The following SLC4A8 variants were observed in gnomAD, a reference collection of about 807,000 sequenced individuals.
SLC4A8 encodes solute carrier family 4 member 8.
In SLC4A8, 40 loss-of-function variants were observed where a neutral mutation model predicts 125.0. That is an observed-to-expected ratio of 0.32 (90% CI 0.25 to 0.42). The LOEUF is 0.42. Ranked by LOEUF, SLC4A8 falls within the 10% of genes least tolerant of loss-of-function variation. SLC4A8 has a pLI of 1.00. For missense variants in SLC4A8, 863 were observed against 1,355.1 expected, an observed-to-expected ratio of 0.64 and a Z score of 5.70; for synonymous variants, 456 against 476.0, an observed-to-expected ratio of 0.96 and a Z score of 0.55.
chr12:51,460,706 A>C (rs2138238914), intron 8 of SLC4A8, among the ~76,000 whole-genome samples: 1 of 152,330 alleles, frequency 6.6e-6, no homozygotes, highest in Non-Finnish European at 1.5e-5. Flanking sequence ...ATTTGTTCAA[A>C]AGGCTATTCA....
chr12:51,480,656 A>G (rs986458409), intron 16 of SLC4A8: 13 of 984,212 alleles, frequency 1.3e-5, no homozygotes, highest in East Asian at 1.1e-4. Flanking sequence ...TGCCCGTGTA[A>G]CTAATCAGAA....
At chr12:51,394,177 C>A (rs531352420) in intron 1 of SLC4A8, among the ~76,000 whole-genome samples, 1 of 152,214 alleles carries the variant, frequency 6.6e-6, no homozygotes, top group African/African-American at 2.4e-5. Flanking sequence ...GCCATTACCC[C>A]CAGCCTGGTG....
At chr12:51,464,742 C>T (rs1401673558) in intron 11 of SLC4A8, among the ~76,000 whole-genome samples, 1 of 152,182 alleles carries the variant, frequency 6.6e-6, no homozygotes, top group Non-Finnish European at 1.5e-5. Context: ...CTTGAGGTTG[C>T]TTTCCTTACT....
intron 1 of SLC4A8, chr12:51,391,914 G>A (rs894537860): frequency 1.3e-5 from 2 of 152,462 alleles, no homozygotes; most frequent in Non-Finnish European, 2.9e-5. Flanking sequence ...AAGAGGACAG[G>A]CATTAGCAGA....
chr12:51,489,235 T>C (rs1021545910), intron 18 of SLC4A8, among the ~76,000 whole-genome samples: 10 of 152,176 alleles, frequency 6.6e-5, no homozygotes, highest in African/African-American at 2.2e-4. Flanking sequence ...TCTGTTACTA[T>C]AGTTTCTAGG....
chr12:51,493,406 T>TTG (rs1001247882), intron 19 of SLC4A8, among the ~76,000 whole-genome samples: 24 of 149,004 alleles, frequency 1.6e-4, no homozygotes, highest in South Asian at 2.1e-4. Context: ...GTGTGTGTGT[T>TTG]TGTGTGTGTG....
intron 21 of SLC4A8, 126 bp downstream of exon 21, chr12:51,495,244 T>G: frequency 1.3e-6 from 1 of 765,900 alleles, no homozygotes; most frequent in Admixed American, 2.9e-5. Flanking sequence ...TTCACATTGC[T>G]GTGGAGCTAT....
At chr12:51,409,153 T>C (rs936203668) in intron 1 of SLC4A8, among the ~76,000 whole-genome samples, 3 of 152,072 alleles carry the variant, frequency 2.0e-5, no homozygotes, top group Non-Finnish European at 2.9e-5. Context: ...GCCTACCAAG[T>C]AGCTGGGACT....
intron 8 of SLC4A8, 21 bp from the exon 9 acceptor site, chr12:51,461,180 TTCC>T (rs1260354535): frequency 1.5e-6 from 2 of 1,294,554 alleles, no homozygotes; most frequent in Non-Finnish European, 2.2e-6. Context: ...CTTACATAAT[TTCC>T]TCCTCTGTGT....
intron 1 of SLC4A8, among the ~76,000 whole-genome samples, chr12:51,436,563 A>G (rs1949423072): frequency 6.6e-6 from 1 of 152,124 alleles, no homozygotes; most frequent in South Asian, 2.1e-4. Context: ...CTCTCTAGGT[A>G]ACTATTTAAA....
At chr12:51,467,836 A>G (rs536816293) in intron 11 of SLC4A8, among the ~76,000 whole-genome samples, 4 of 152,346 alleles carry the variant, frequency 2.6e-5, no homozygotes, top group Admixed American at 6.5e-5. Context: ...TTTTACCTGT[A>G]AATACTTCAG....
At chr12:51,473,823 A>AAGAT in intron 14 of SLC4A8, among the ~76,000 whole-genome samples, 1 of 152,332 alleles carries the variant, frequency 6.6e-6, no homozygotes, top group Middle Eastern at 3.4e-3. Context: ...GGTATTACCA[A>AAGAT]AGATAACTCA....
intron 1 of SLC4A8, among the ~76,000 whole-genome samples, chr12:51,434,736 G>A (rs1345547368): frequency 2.6e-5 from 4 of 152,054 alleles, no homozygotes; most frequent in African/African-American, 9.7e-5. Flanking sequence ...TCTCTGTGGT[G>A]TCAGGTGTCT....
chr12:51,465,279 T>C (rs1484050809), intron 11 of SLC4A8, among the ~76,000 whole-genome samples: 2 of 152,196 alleles, frequency 1.3e-5, no homozygotes, highest in Non-Finnish European at 2.9e-5. Context: ...AATTTGAAAG[T>C]AGTAGAATTT....
At position 51,495,827 on chromosome 12, in the gene SLC4A8, C is replaced by T. The variant is rs873674; in HGVS notation, c.2943+709C>T. Among the ~76,000 whole-genome samples the T allele has an allele frequency of 8.2e-3, 1,254 of 152,250 alleles. 12 individuals carry two copies. The highest frequency in any genetic ancestry group is 0.029 in the African/African-American group (1,187 of 41,540). ...TAGCCTAATGTCTTCAAGGTTCATC[C>T]ATGTTGTAGCATGTGTCAGAATTTC... On this transcript the variant is annotated intron_variant, in intron 21 of 24. Coordinates refer to ENST00000453097, the MANE Select transcript of SLC4A8 (RefSeq NM_001039960.3).
intron 5 of SLC4A8, among the ~76,000 whole-genome samples, chr12:51,454,070 G>T (rs187690105): frequency 6.6e-6 from 1 of 152,342 alleles, no homozygotes; most frequent in Non-Finnish European, 1.5e-5. Context: ...GCCAAGGTGG[G>T]TGGATAACTT....
Position 51,509,730 on chromosome 12 carries a change from ACT to A in SLC4A8, c.*2295_*2296del, listed in dbSNP as rs1472787464. ...CGCTTGAGGGGAGGAGCCTTCATTA[ACT>A]CTGTGTAGTGCAGGTACAGGACCAC... On this transcript the variant is annotated 3_prime_UTR_variant, in exon 25 of 25. Coordinates refer to ENST00000453097, the MANE Select transcript of SLC4A8 (RefSeq NM_001039960.3). 2.6e-5 allele frequency: 4 copies of A among 151,178 alleles called. No homozygotes were observed. Among genetic ancestry groups the A allele is most frequent in the Admixed American group, 6.6e-5 (1 of 15,194 alleles). 9.4% of individuals were successfully genotyped at this position (151,178 alleles called of 1,614,324 possible).
intron 1 of SLC4A8, among the ~76,000 whole-genome samples, chr12:51,408,536 C>T (rs1948537587): frequency 6.6e-6 from 1 of 152,172 alleles, no homozygotes; most frequent in Non-Finnish European, 1.5e-5. Flanking sequence ...TGCGCCCGGC[C>T]TATAATGGGT....
chr12:51,499,281 A>C (rs1171522702), intron 22 of SLC4A8, among the ~76,000 whole-genome samples: 2 of 152,172 alleles, frequency 1.3e-5, no homozygotes, highest in Non-Finnish European at 2.9e-5. Context: ...CTGTCAAAGA[A>C]TCTCACTTTT....
Sources: gnomAD v4.1 joint callset for allele counts (sites outside exome capture counted in the v4.1 genomes callset) on GRCh38, gnomAD v4.1.1 for gene constraint, MANE v1.5 for transcripts, NCBI Gene and HGNC (gene_info 2026-07-23, HGNC 2026-07-21) for gene names.